The following ADAM29 variants were observed in gnomAD, a reference collection of about 807,000 sequenced individuals.
The protein encoded by ADAM29 is ADAM metallopeptidase domain 29.
For missense variants in ADAM29, 969 were observed against 1,001.8 expected, an observed-to-expected ratio of 0.97 and a Z score of 0.44; for synonymous variants, 367 against 342.3, an observed-to-expected ratio of 1.07 and a Z score of -0.80.
At chr4:174,950,411 A>G (rs551552483) in intron 4 of ADAM29, among the ~76,000 whole-genome samples, 92 of 152,266 alleles carry the variant, frequency 6.0e-4, no homozygotes, top group African/African-American at 2.2e-3. Flanking sequence ...ATAACTAACA[A>G]CCTGGTCTCC....
Position 174,968,383 on chromosome 4 carries a change from T to C in ADAM29, c.-180-6963T>C, listed in dbSNP as rs558863123. Among the ~76,000 whole-genome samples the C allele has an allele frequency of 1.6e-4, 24 of 152,300 alleles. 1 individual carries two copies. Among genetic ancestry groups the C allele is most frequent in the African/African-American group, 5.1e-4 (21 of 41,580 alleles). On this transcript the variant is annotated intron_variant, in intron 4 of 4. Transcript: ENST00000359240. ...TCTAGCACTGCAGCAGGAAGTTAAATGTCTGCAGTCACACTGCCCATGCCA... is the reference window on the plus strand; with the variant it reads ...TCTAGCACTGCAGCAGGAAGTTAAACGTCTGCAGTCACACTGCCCATGCCA...
rs755566638 is a variant in ADAM29 at position 174,975,957 on chromosome 4, G to A, written c.432G>A (p.Thr144=). The change falls in exon 5 of 5, where the codon ACG becomes ACA. Residue 144 remains threonine (T), a synonymous_variant. Transcript: ENST00000359240. ...TCAAGCCCCTAGCATTTTCTACCACGTTTGAACATCTGGTATACAAGATGG... is the reference window on the plus strand; with the variant it reads ...TCAAGCCCCTAGCATTTTCTACCACATTTGAACATCTGGTATACAAGATGG... ...YEIKPLAFST[T]FEHLVYKMDS... The A allele has an allele frequency of 9.3e-6, 15 of 1,614,014 alleles. No individual in the cohort carries two copies. Among genetic ancestry groups the A allele is most frequent in the Admixed American group, 8.3e-5 (5 of 60,002 alleles).
chr4:174,940,021 C>A (rs532201439), intron 4 of ADAM29, among the ~76,000 whole-genome samples: 89 of 152,084 alleles, frequency 5.9e-4, no homozygotes, highest in African/African-American at 2.1e-3. Flanking sequence ...TCCTTCCCCC[C>A]TTCTTTCCCT....
At chr4:174,951,925 A>G (rs949013369) in intron 4 of ADAM29, among the ~76,000 whole-genome samples, 2 of 152,158 alleles carry the variant, frequency 1.3e-5, no homozygotes, top group African/African-American at 2.4e-5. Flanking sequence ...GATAAGAGCA[A>G]TTAGTTCAAG....
intron 1 of ADAM29, chr4:174,918,883 T>C (rs1743017901): frequency 2.0e-5 from 3 of 152,220 alleles, no homozygotes; most frequent in South Asian, 2.1e-4. Context: ...TGGTGCATAA[T>C]GAAATTGCAT....
intron 4 of ADAM29, among the ~76,000 whole-genome samples, chr4:174,939,647 G>A (rs933826421): frequency 3.7e-4 from 57 of 152,052 alleles, no homozygotes; most frequent in South Asian, 4.1e-4. Context: ...TTTGAGTTAC[G>A]TTCATCAATT....
chr4:174,928,169 G>A (rs1407148985), intron 2 of ADAM29, among the ~76,000 whole-genome samples: 1 of 152,156 alleles, frequency 6.6e-6, no homozygotes, highest in Non-Finnish European at 1.5e-5. Context: ...TGGAAGGACA[G>A]CTGAGTTCAG....
chr4:174,944,885 T>C (rs997938819), intron 4 of ADAM29, among the ~76,000 whole-genome samples: 3 of 152,244 alleles, frequency 2.0e-5, no homozygotes, highest in Non-Finnish European at 2.9e-5. Context: ...GGCTGCATAG[T>C]ATTCCATGGT....
At position 174,977,085 on chromosome 4, in the gene ADAM29, C is replaced by T. The variant is rs1346529425; in HGVS notation, c.1560C>T (p.Cys520=). Residue 520 remains cysteine (C), a synonymous_variant, in exon 5 of 5, where the codon TGC becomes TGT. Coordinates refer to ENST00000359240, the MANE Select transcript of ADAM29 (RefSeq NM_014269.4). ...GCGCAAATACTGCAAGTGAGACTTG[C>T]TACAAAGAATTGAACACCTTAGGTG... ...GAGANTASET[C]YKELNTLGDR... is the part of the protein sequence containing the mutation. 1.2e-6 allele frequency: 2 copies of T among 1,613,904 alleles called. No homozygotes were observed. The highest frequency in any genetic ancestry group is 1.3e-5 in the African/African-American group (1 of 75,026).
At chr4:174,929,236 C>T (rs1743700971) in intron 2 of ADAM29, among the ~76,000 whole-genome samples, 1 of 152,132 alleles carries the variant, frequency 6.6e-6, no homozygotes, top group South Asian at 2.1e-4. Context: ...CCTGGTTACT[C>T]CATATCAGTT....
At chr4:174,943,645 G>GGGGATT (rs1157696092) in intron 4 of ADAM29, among the ~76,000 whole-genome samples, 1 of 152,080 alleles carries the variant, frequency 6.6e-6, no homozygotes, top group East Asian at 1.9e-4. Context: ...TCCCTCCCCT[G>GGGGATT]ACACATGGGG....
chr4:174,977,697 AC>A lies in ADAM29; in HGVS notation c.2174del (p.Pro725LeufsTer12). On this transcript the variant is annotated frameshift_variant, in exon 5 of 5. Coordinates refer to ENST00000359240, the MANE Select transcript of ADAM29 (RefSeq NM_014269.4). LOFTEE classifies it low-confidence loss of function (END_TRUNC). ...AAGAAGAGGAAAAAATTCAGCGTCG[AC>A]CTCATGAGTTACCTCCCCAGAGTCA... ...AKEEEKIQRRPHELPPQSQPW... is the reference protein window; with the variant it reads ...AKEEEKIQRRXHELPPQSQPW... The A allele has an allele frequency of 6.2e-7, 1 of 1,614,254 alleles. No individual in the cohort carries two copies.
At chr4:174,936,009 A>G (rs1744179093) in intron 3 of ADAM29, among the ~76,000 whole-genome samples, 1 of 152,090 alleles carries the variant, frequency 6.6e-6, no homozygotes, top group South Asian at 2.1e-4. Flanking sequence ...ACTTTTGAGA[A>G]CAAAAGGAGG....
chr4:174,935,297 C>G (rs757163380), intron 3 of ADAM29, among the ~76,000 whole-genome samples: 2 of 151,988 alleles, frequency 1.3e-5, no homozygotes, highest in East Asian at 1.9e-4. Context: ...TTTCAAGGTA[C>G]CTTCCCATGT....
chr4:174,922,108 T>C (rs1743196935), intron 2 of ADAM29, among the ~76,000 whole-genome samples: 1 of 152,196 alleles, frequency 6.6e-6, no homozygotes, highest in Admixed American at 6.5e-5. Context: ...ATATTTCCAA[T>C]ATGAAGACAA....
intron 4 of ADAM29, among the ~76,000 whole-genome samples, chr4:174,943,883 CATTTT>C (rs1744690954): frequency 1.3e-5 from 2 of 151,776 alleles, no homozygotes; most frequent in Non-Finnish European, 2.9e-5. Flanking sequence ...AATACACACT[CATTTT>C]ATGAGAAATT....
chr4:174,949,281 G>A (rs1398791719), intron 4 of ADAM29, among the ~76,000 whole-genome samples: 1 of 152,158 alleles, frequency 6.6e-6, no homozygotes, highest in Non-Finnish European at 1.5e-5. Context: ...AGTTCCTAGA[G>A]GAGCATGGCA....
intron 4 of ADAM29, among the ~76,000 whole-genome samples, chr4:174,938,597 ATAAACT>A: frequency 6.6e-6 from 1 of 152,296 alleles, no homozygotes; most frequent in East Asian, 1.9e-4. Context: ...CAAAACAAAG[ATAAACT>A]TATACTACTC....
intron 2 of ADAM29, among the ~76,000 whole-genome samples, chr4:174,924,411 C>A (rs1402502085): frequency 6.6e-6 from 1 of 152,154 alleles, no homozygotes; most frequent in Non-Finnish European, 1.5e-5. Flanking sequence ...GAGTTTCTTA[C>A]AAAGTTAGAG....
Sources: allele counts gnomAD v4.1 joint callset (sites outside exome capture counted in the v4.1 genomes callset), GRCh38; gene constraint gnomAD v4.1.1; transcripts MANE v1.5; gene names NCBI Gene and HGNC (gene_info 2026-07-23, HGNC 2026-07-21).